Variants in ZNF286A observed in about 807,000 individuals in gnomAD.
ZNF286A encodes zinc finger protein ZNF286.
Under a neutral mutation model 49.3 loss-of-function variants are expected in ZNF286A, and 34 were observed. The ratio of observed to expected loss-of-function variants is 0.69; its 90% CI spans 0.52 to 0.92. The LOEUF is 0.92. Among genes scored for constraint, ZNF286A ranks in the 40% least tolerant of loss-of-function variants. ZNF286A has a pLI of 0.00. For missense variants in ZNF286A, 462 were observed against 600.2 expected, an observed-to-expected ratio of 0.77 and a Z score of 2.41; for synonymous variants, 155 against 200.4, an observed-to-expected ratio of 0.77 and a Z score of 1.91.
chr17:15,702,550 G>A (rs62071715), intron 3 of ZNF286A, among the ~76,000 whole-genome samples: 7 of 151,812 alleles, frequency 4.6e-5, no homozygotes, highest in Non-Finnish European at 8.8e-5. Flanking sequence ...GAAAAAAGGA[G>A]CTTTCCATGA....
At chr17:15,703,148 C>T (rs1443933310) in intron 3 of ZNF286A, among the ~76,000 whole-genome samples, 9 of 152,312 alleles carry the variant, frequency 5.9e-5, no homozygotes, top group East Asian at 1.9e-4. Flanking sequence ...TGCGCGTGCA[C>T]GCACAAACAT....
Position 15,708,185 on chromosome 17 carries a change from A to G in ZNF286A, c.272A>G (p.Asn91Ser), listed in dbSNP as rs1041254960. The change falls in exon 5 of 6, where the codon AAC (asparagine) becomes AGC (serine). Residue 91 changes from asparagine to serine, a missense_variant. Around this residue, in one of 3 missense-constraint regions of ZNF286A, gnomAD observed 259 missense variants for 272.2 expected, o/e 0.95. Coordinates refer to ENST00000583566, the MANE Select transcript of ZNF286A (RefSeq NM_001130842.2). ...CCAGTTTCCAAACCTGAGAGCTACA[A>G]CTTGGAGAATGGAAAAGAACCATTG... is the stretch of plus-strand genomic sequence containing the variant. ...WLPVSKPESY[N>S]LENGKEPLKL... The G allele has an allele frequency of 3.8e-6, 6 of 1,598,696 alleles. No individual in the cohort carries two copies. Among genetic ancestry groups the G allele is most frequent in the African/African-American group, 1.3e-5 (1 of 74,442 alleles).
intron 3 of ZNF286A, chr17:15,704,922 G>C (rs1990095691): frequency 7.7e-6 from 12 of 1,565,486 alleles, no homozygotes; most frequent in Admixed American, 1.8e-5. Context: ...GCCGGGGGCG[G>C]GTCCCCCCGG....
At chr17:15,700,007 A>C (rs1324747715) in intron 1 of ZNF286A, 128 bp from the exon 2 acceptor site, 1 of 601,796 alleles carries the variant, frequency 1.7e-6, no homozygotes, top group Non-Finnish European at 3.0e-6. Flanking sequence ...GCGCGGCAGA[A>C]TTTGTCCAAA....
rs1407380835 is a variant in ZNF286A at position 15,716,605 on chromosome 17, C to A, written c.881C>A (p.Thr294Asn). The A allele has an allele frequency of 6.2e-7, 1 of 1,614,074 alleles. No homozygotes were observed. The highest frequency in any genetic ancestry group is 8.5e-7 in the Non-Finnish European group (1 of 1,180,004). The change falls in exon 6 of 6, where the codon ACT (threonine) becomes AAT (asparagine). Residue 294 changes from threonine (T) to asparagine (N), a missense_variant. Thr to Asn is a moderately conservative substitution (Grantham distance 65). Coordinates refer to ENST00000583566, the MANE Select transcript of ZNF286A (RefSeq NM_001130842.2). The stretch of plus-strand genomic sequence containing the variant: ...TTAACTAAACACCAGAGAACTCATA[C>A]TAGAATTCTCTTTGAATGCAGTGAA... ...ANLTKHQRTH[T>N]RILFECSECK...
At position 15,720,398 on chromosome 17, in the gene ZNF286A, T is replaced by G. The variant is rs2530054; in HGVS notation, c.*3108T>G. Reference sequence around the variant, plus strand: ...AGAACTGTGACCATCTTGTTCTGTGTCTTGTCATAAAGATGGGACGTGACT... The same window carrying G: ...AGAACTGTGACCATCTTGTTCTGTGGCTTGTCATAAAGATGGGACGTGACT... On this transcript the variant is annotated 3_prime_UTR_variant, in exon 6 of 6. Transcript: ENST00000583566. The G allele has an allele frequency of 6.6e-5, 10 of 151,232 alleles. No individual in the cohort carries two copies. Among genetic ancestry groups the G allele is most frequent in the African/African-American group, 2.2e-4 (9 of 41,038 alleles). 9.4% of individuals were successfully genotyped at this position (151,232 alleles called of 1,614,324 possible).
intron 3 of ZNF286A, among the ~76,000 whole-genome samples, chr17:15,702,940 G>A (rs1226880975): frequency 6.6e-6 from 1 of 152,186 alleles, no homozygotes; most frequent in Non-Finnish European, 1.5e-5. Context: ...TTCTCCTAGT[G>A]TTGGCCTCTA....
chr17:15,705,752 G>A (rs1990183138), intron 3 of ZNF286A, among the ~76,000 whole-genome samples: 2 of 152,162 alleles, frequency 1.3e-5, no homozygotes, highest in African/African-American at 4.8e-5. Context: ...ATGCAGATAT[G>A]TATCTATCTC....
In ZNF286A at chr17:15,717,042, T is replaced by G. The variant is rs947612051; in HGVS notation, c.1318T>G (p.Cys440Gly). 1 of 1,613,978 alleles carries G rather than the reference T, an allele frequency of 6.2e-7. No homozygotes were observed. The highest frequency in any genetic ancestry group is 8.5e-7 in the Non-Finnish European group (1 of 1,180,028). The change falls in exon 6 of 6, where the codon TGT becomes GGT. Residue 440 changes from cysteine to glycine, a missense_variant. Cys to Gly is a radical substitution (Grantham distance 159, BLOSUM62 -3). Transcript: ENST00000583566. ...TCACACTGGAGAGAAACCCTATGAGTGTAATGAATGTGGGAAAACCTTCAG... is the reference window on the plus strand; with the variant it reads ...TCACACTGGAGAGAAACCCTATGAGGGTAATGAATGTGGGAAAACCTTCAG... ...RIHTGEKPYE[C>G]NECGKTFSRS...
intron 3 of ZNF286A, chr17:15,704,883 C>A (rs1990086748): frequency 1.2e-6 from 2 of 1,611,046 alleles, no homozygotes; most frequent in South Asian, 2.2e-5. Flanking sequence ...GGGGCAGTTT[C>A]TCCACGTTGG....
Position 15,706,502 on chromosome 17 carries a change from G to T in ZNF286A, c.241+1G>T. ...AACTATAGGAACCTAGTCTCACTTT[G>T]TAAGAATGGATTGTGATTCTGGAAT... On this transcript the variant is annotated splice_donor_variant, in intron 4 of 5. Coordinates refer to ENST00000583566, the MANE Select transcript of ZNF286A (RefSeq NM_001130842.2). LOFTEE classifies it high-confidence loss of function. The T allele has an allele frequency of 6.3e-7, 1 of 1,591,364 alleles. No homozygotes were observed. Among genetic ancestry groups the T allele is most frequent in the Non-Finnish European group, 8.6e-7 (1 of 1,168,618 alleles).
chr17:15,706,461 G>A lies in ZNF286A; in HGVS notation c.201G>A (p.Arg67=). 1 of 1,613,142 alleles carries A rather than the reference G, an allele frequency of 6.2e-7. No homozygotes were observed. The highest frequency in any genetic ancestry group is 8.5e-7 in the Non-Finnish European group (1 of 1,179,606). Residue 67 remains arginine (R), a synonymous_variant, in exon 4 of 6, where the codon AGG becomes AGA. Coordinates refer to ENST00000583566, the MANE Select transcript of ZNF286A (RefSeq NM_001130842.2). ...GGGGGAAGCTGGATCCTGCACAAAG[G>A]GATGTGATGCTGGAGAACTATAGGA... ...EEWGKLDPAQ[R]DVMLENYRNL...
At chr17:15,703,126 C>T (rs950226350) in intron 3 of ZNF286A, among the ~76,000 whole-genome samples, 3 of 152,196 alleles carry the variant, frequency 2.0e-5, no homozygotes, top group Non-Finnish European at 2.9e-5. Context: ...TACACACACA[C>T]GCACATACAC....
rs1448527117 is a variant in ZNF286A, at chr17:15,718,999, AG to A, written c.*1714del. On this transcript the variant is annotated 3_prime_UTR_variant, in exon 6 of 6. Transcript: ENST00000583566. Reference sequence around the variant, plus strand: ...GAGAACTCTATCACGAGACAGCAGTAGGGGGACAGTGCTAAATCATTCATGA... The same window carrying A: ...GAGAACTCTATCACGAGACAGCAGTAGGGGACAGTGCTAAATCATTCATGA... 1.5e-4 allele frequency: 19 copies of A among 126,426 alleles called. No homozygotes were observed. The highest frequency in any genetic ancestry group is 1.4e-3 in the East Asian group (6 of 4,410). The allele number at this position is 126,426 out of a possible 1,614,324, so 7.8% of individuals were successfully genotyped here. A position where few individuals can be genotyped will look rare whatever the true frequency, so the allele number is the denominator to read the frequency against.
intron 3 of ZNF286A, among the ~76,000 whole-genome samples, chr17:15,702,858 C>T (rs1653330706): frequency 6.6e-6 from 1 of 152,254 alleles, no homozygotes; most frequent in African/African-American, 2.4e-5. Context: ...AGGGCTCAAA[C>T]AAGAATGTTA....
chr17:15,708,589 C>T (rs1306020969), intron 5 of ZNF286A, among the ~76,000 whole-genome samples: 1 of 152,168 alleles, frequency 6.6e-6, no homozygotes, highest in Non-Finnish European at 1.5e-5. Context: ...CTTACCAGCG[C>T]CTCTAGAAGC....
intron 3 of ZNF286A, chr17:15,704,192 G>A (rs2151455105): frequency 7.0e-7 from 1 of 1,431,080 alleles, no homozygotes; most frequent in South Asian, 1.2e-5. Context: ...GGAGGGGACA[G>A]GAGAGGTTGG....
At chr17:15,701,620 A>G (rs1989780580) in intron 3 of ZNF286A, among the ~76,000 whole-genome samples, 1 of 152,218 alleles carries the variant, frequency 6.6e-6, no homozygotes, top group Admixed American at 6.5e-5. Context: ...AATCTAAGAA[A>G]GCACTTAAAT....
Position 15,720,237 on chromosome 17 carries a change from AATAAAT to A in ZNF286A, c.*2951_*2956del, listed in dbSNP as rs1451164064. On this transcript the variant is annotated 3_prime_UTR_variant, in exon 6 of 6. Transcript: ENST00000583566. ...AATGCATATAAAAGAACTGGCAGAC[AATAAAT>A]ATAGAGTCCCCCACTCCTGCTTGGT... 1 of 152,008 alleles carries A rather than the reference AATAAAT, an allele frequency of 6.6e-6. No homozygotes were observed. Among genetic ancestry groups the A allele is most frequent in the Non-Finnish European group, 1.5e-5 (1 of 68,000 alleles). 9.4% of individuals were successfully genotyped at this position (152,008 alleles called of 1,614,324 possible).
Sources: gnomAD v4.1 joint callset for allele counts (sites outside exome capture counted in the v4.1 genomes callset) on GRCh38, gnomAD v4.1.1 for gene constraint, gnomAD v4.1.1 regional missense constraint, MANE v1.5 for transcripts, NCBI Gene and HGNC (gene_info 2026-07-23, HGNC 2026-07-21) for gene names.